The following RAD50 variants were observed in gnomAD, a reference collection of about 807,000 sequenced individuals.
The protein encoded by RAD50 is RAD50 double strand break repair protein, also known as DNA repair protein RAD50.
A neutral mutation model predicts 168.8 loss-of-function variants in RAD50; 132 were observed. That is an observed-to-expected ratio of 0.78 (90% CI 0.68 to 0.90). The LOEUF (loss-of-function observed/expected upper bound fraction) is 0.90. Ranked by LOEUF, RAD50 falls within the 40% of genes least tolerant of loss-of-function variation. The pLI is 0.00. For synonymous variants in RAD50, 525 were observed against 497.4 expected (o/e 1.06, Z -0.74); for missense variants, 1,347 against 1,534.4 (o/e 0.88, Z 2.04).
intron 19 of RAD50, among the ~76,000 whole-genome samples, chr5:132,612,685 A>G (rs188169456): frequency 9.2e-5 from 14 of 152,152 alleles, no homozygotes; most frequent in South Asian, 6.2e-4. Context: ...AAAATTAGCC[A>G]GGTGTGATGG....
intron 5 of RAD50, among the ~76,000 whole-genome samples, chr5:132,581,719 C>T (rs1172337560): frequency 2.0e-5 from 3 of 152,006 alleles, no homozygotes; most frequent in African/African-American, 4.8e-5. Flanking sequence ...CAATATGAAT[C>T]GGGGTCAGAT....
intron 16 of RAD50, among the ~76,000 whole-genome samples, chr5:132,608,092 A>C (rs1304999293): frequency 1.3e-5 from 2 of 152,198 alleles, no homozygotes; most frequent in Non-Finnish European, 2.9e-5. Flanking sequence ...TATTACCATG[A>C]AATATCTGCG....
intron 21 of RAD50, among the ~76,000 whole-genome samples, chr5:132,631,129 T>TC (rs925591821): frequency 6.6e-5 from 10 of 151,372 alleles, no homozygotes; most frequent in African/African-American, 2.4e-4. Context: ...TTTTTTTTTT[T>TC]TTTTTTTTTA....
intron 21 of RAD50, among the ~76,000 whole-genome samples, chr5:132,623,162 T>C (rs1226839300): frequency 6.6e-6 from 1 of 152,070 alleles, no homozygotes; most frequent in Non-Finnish European, 1.5e-5. Flanking sequence ...TAAGAACCAA[T>C]CCCTAGGTTA....
intron 2 of RAD50, among the ~76,000 whole-genome samples, chr5:132,560,726 C>CA (rs527437633): frequency 1.3e-3 from 195 of 152,328 alleles, no homozygotes; most frequent in African/African-American, 4.4e-3. Context: ...TTTTGCCCTT[C>CA]AGTTTTTCCA....
At chr5:132,574,632 A>G (rs980751426) in intron 2 of RAD50, among the ~76,000 whole-genome samples, 4 of 152,172 alleles carry the variant, frequency 2.6e-5, no homozygotes, top group African/African-American at 4.8e-5. Flanking sequence ...TTTATTTTCT[A>G]TCACATTGTC....
rs1322601722 is a variant in RAD50, at chr5:132,637,196, A to C, written c.3471A>C (p.Gly1157=). 6.2e-7 allele frequency: 1 copy of C among 1,611,438 alleles called. No individual in the cohort carries two copies. Residue 1157 remains glycine, a synonymous_variant, in exon 22 of 25, where the codon GGA becomes GGC. Transcript: ENST00000378823. ...ACCTGTGGCGAAGTACCTATCGTGG[A>C]CAAGGTGAGTACCATGGTGTATCAC... The part of the protein sequence containing the change: ...IRDLWRSTYR[G]QDIEYIEIRS...
chr5:132,605,690 C>T (rs1300923146), intron 16 of RAD50, among the ~76,000 whole-genome samples: 2 of 152,088 alleles, frequency 1.3e-5, no homozygotes, highest in Non-Finnish European at 2.9e-5. Flanking sequence ...ACTCTCAGCA[C>T]CTCATCGCAC....
chr5:132,585,952 T>G (rs1750589166), intron 5 of RAD50, among the ~76,000 whole-genome samples: 2 of 152,226 alleles, frequency 1.3e-5, no homozygotes, highest in Non-Finnish European at 2.9e-5. Context: ...TTTGCAGATA[T>G]TTCTTAACTG....
chr5:132,557,901 A>T (rs1750036095), intron 1 of RAD50, among the ~76,000 whole-genome samples: 1 of 152,216 alleles, frequency 6.6e-6, no homozygotes, highest in African/African-American at 2.4e-5. Flanking sequence ...GACATAATAC[A>T]TGGAAAATAA....
Position 132,591,376 on chromosome 5 carries a change from T to C in RAD50, c.1605T>C (p.Arg535=), listed in dbSNP as rs878854785. The change falls in exon 10 of 25, where the codon CGT becomes CGC. Residue 535 remains arginine (R), a synonymous_variant. Transcript: ENST00000378823. ...AGTTAAACCATCATACAACAACACG[T>C]ACCCAAATGGAGATGCTGACCAAAG... ...MEQLNHHTTT[R]TQMEMLTKDK... is the part of the protein sequence containing the mutation. The C allele has an allele frequency of 1.7e-5, 27 of 1,613,742 alleles. No homozygotes were observed. Among genetic ancestry groups the C allele is most frequent in the Non-Finnish European group, 2.1e-5 (25 of 1,179,880 alleles).
intron 24 of RAD50, among the ~76,000 whole-genome samples, chr5:132,641,386 CA>C (rs1367298559): frequency 2.4e-4 from 37 of 152,186 alleles, no homozygotes; most frequent in African/African-American, 8.9e-4. Context: ...GAGAAAAAGG[CA>C]GTTTCCCTGA....
chr5:132,602,841 C>T (rs1056939461), intron 13 of RAD50, among the ~76,000 whole-genome samples: 6 of 152,128 alleles, frequency 3.9e-5, no homozygotes, highest in Non-Finnish European at 7.4e-5. Context: ...CCTTAGGCTC[C>T]TGCAGTCTGT....
Position 132,642,946 on chromosome 5 carries a change from C to A in RAD50, c.*582C>A, listed in dbSNP as rs1238097842. 4.1e-6 allele frequency: 2 copies of A among 483,796 alleles called. No individual in the cohort carries two copies. The highest frequency in any genetic ancestry group is 8.6e-6 in the Non-Finnish European group (2 of 232,750). 30.0% of individuals were successfully genotyped at this position (483,796 alleles called of 1,614,324 possible). On this transcript the variant is annotated 3_prime_UTR_variant, in exon 25 of 25. Transcript: ENST00000378823. ...ATGGGGTCTCAAAGTTTGACAGGAA[C>A]CTTAAGTAATCATCTAAGTCAGTAC...
At chr5:132,618,043 C>G (rs1751206830) in intron 20 of RAD50, 27 bp from the exon 21 acceptor site, 1 of 1,589,554 alleles carries the variant, frequency 6.3e-7, no homozygotes, top group Non-Finnish European at 8.6e-7. Context: ...AAAAATGGTC[C>G]TCATTTGTCA....
At chr5:132,625,967 G>C (rs1206165679) in intron 21 of RAD50, among the ~76,000 whole-genome samples, 1 of 151,524 alleles carries the variant, frequency 6.6e-6, no homozygotes, top group Non-Finnish European at 1.5e-5. Flanking sequence ...TGTGATTTCA[G>C]CTCACTGCAA....
At chr5:132,620,093 G>T (rs1218381725) in intron 21 of RAD50, among the ~76,000 whole-genome samples, 1 of 151,816 alleles carries the variant, frequency 6.6e-6, no homozygotes, top group African/African-American at 2.4e-5. Context: ...TTTTAGTAGA[G>T]ATGGGGTTTC....
Position 132,557,423 on chromosome 5 carries a change from T to C in RAD50, c.99T>C (p.Ile33=). Residue 33 remains isoleucine, a synonymous_variant, in exon 1 of 25, where the codon ATT becomes ATC. Transcript: ENST00000378823. The stretch of plus-strand genomic sequence containing the variant: ...TCACTTTCTTCAGCCCCCTTACAAT[T>C]TTGGTTGGACCCAATGGGGCGGGAA... ...QIITFFSPLT[I]LVGPNGAGKT... 1 of 1,614,182 alleles carries C rather than the reference T, an allele frequency of 6.2e-7. No homozygotes were observed.
chr5:132,560,161 A>G (rs1160949382), intron 2 of RAD50, among the ~76,000 whole-genome samples: 1 of 151,990 alleles, frequency 6.6e-6, no homozygotes, highest in Admixed American at 6.6e-5. Flanking sequence ...TGTTTTCGTT[A>G]CGTATTCTTC....
Sources: gnomAD v4.1 joint callset for allele counts (sites outside exome capture counted in the v4.1 genomes callset) on GRCh38, gnomAD v4.1.1 for gene constraint, MANE v1.5 for transcripts, NCBI Gene and HGNC (gene_info 2026-07-23, HGNC 2026-07-21) for gene names.